ITGA8: variants seen among roughly 807,000 people sequenced by gnomAD.
ITGA8 encodes the protein integrin subunit alpha 8, also known as integrin alpha-8.
A neutral mutation model predicts 142.3 loss-of-function variants in ITGA8; 91 were observed. The observed-to-expected ratio is 0.64, with a 90% confidence interval of 0.54 to 0.76. ITGA8 has a LOEUF of 0.76. Among genes scored for constraint, ITGA8 ranks in the 30% least tolerant of loss-of-function variants. The probability of loss-of-function intolerance (pLI) is 0.00; values close to 1 mark genes in which losing one functional copy is unlikely to be tolerated. For missense variants in ITGA8, 1,406 were observed against 1,327.7 expected (o/e 1.06, Z -0.92); for synonymous variants, 505 against 485.2 (o/e 1.04, Z -0.54).
chr10:15,613,765 G>A lies in ITGA8; in HGVS notation c.1448C>T (p.Ala483Val). Reference protein sequence around the residue: ...FGTGKVAVYRARPVVTVDAQL... With the variant: ...FGTGKVAVYRVRPVVTVDAQL... ...GGCATCTACAGTCACAACCGGTCTTGCTCTGCGGGGAGAAAATGCAGGGTT... is the reference window on the plus strand; with the variant it reads ...GGCATCTACAGTCACAACCGGTCTTACTCTGCGGGGAGAAAATGCAGGGTT... The change falls in exon 15 of 30, where the codon GCA becomes GTA. Residue 483 changes from alanine (A) to valine (V), a missense_variant and splice_region_variant. Physicochemically the swap from Ala to Val is moderately conservative, Grantham distance 64. Transcript: ENST00000378076. 1 of 1,608,678 alleles carries A rather than the reference G, an allele frequency of 6.2e-7. No homozygotes were observed. Among genetic ancestry groups the A allele is most frequent in the Non-Finnish European group, 8.5e-7 (1 of 1,175,114 alleles).
rs1220237070 is a variant in ITGA8, at chr10:15,531,054, A to G, written c.2978T>C (p.Ile993Thr). The G allele has an allele frequency of 2.0e-6, 3 of 1,474,220 alleles. No homozygotes were observed. The highest frequency in any genetic ancestry group is 2.8e-6 in the Non-Finnish European group (3 of 1,073,544). The allele number at this position is 1,474,220 out of a possible 1,614,324, so 91.3% of individuals were successfully genotyped here. Residue 993 changes from isoleucine to threonine, a missense_variant, in exon 28 of 30, where the codon ATA (isoleucine) becomes ACA (threonine). Coordinates refer to ENST00000378076, the MANE Select transcript of ITGA8 (RefSeq NM_003638.3). ...TATATATTTAAAGATACTCACTACT[A>G]TGCTTCCTTCTGGGAGTTTTGCTGG... ...DQPAKLPEGS[I>T]VIKTSVIWAT...
chr10:15,667,655 T>G (rs1477648201), intron 8 of ITGA8, among the ~76,000 whole-genome samples: 1 of 151,916 alleles, frequency 6.6e-6, no homozygotes, highest in Non-Finnish European at 1.5e-5. Flanking sequence ...TGTGGGCATT[T>G]AGTGCTATAA....
intron 14 of ITGA8, 137 bp downstream of exon 14, chr10:15,616,377 A>G (rs1241069249): frequency 1.6e-5 from 11 of 708,886 alleles, no homozygotes; most frequent in Non-Finnish European, 2.4e-5. Flanking sequence ...TGAGAGCAAA[A>G]AATACCTCTA....
chr10:15,671,800 T>C (rs1161062121), intron 7 of ITGA8, among the ~76,000 whole-genome samples, 153 bp from the exon 8 acceptor site: 2 of 149,392 alleles, frequency 1.3e-5, no homozygotes, highest in Non-Finnish European at 3.0e-5. Flanking sequence ...AAGGGAAAAA[T>C]TAATCACACC....
In ITGA8 at chr10:15,517,026, G is replaced by A. The variant is rs990017900; in HGVS notation, c.*132C>T. On this transcript the variant is annotated 3_prime_UTR_variant, in exon 30 of 30. Transcript: ENST00000378076. ...CAAAGTGCGGTGTAGATGAGGTGAT[G>A]TTTCCAGGGTCCCCTCCATTTCCTG... The A allele has an allele frequency of 1.8e-5, 9 of 486,928 alleles. No individual in the cohort carries two copies. Among genetic ancestry groups the A allele is most frequent in the East Asian group, 3.6e-5 (1 of 27,504 alleles). The allele number at this position is 486,928 out of a possible 1,614,324, so 30.2% of individuals were successfully genotyped here.
chr10:15,660,030 A>G (rs1450144090), intron 9 of ITGA8, among the ~76,000 whole-genome samples: 2 of 152,238 alleles, frequency 1.3e-5, no homozygotes, highest in African/African-American at 4.8e-5. Context: ...GGAAACAAAT[A>G]ATAAATTTAA....
intron 27 of ITGA8, among the ~76,000 whole-genome samples, chr10:15,536,183 C>A (rs1406886656): frequency 6.6e-6 from 1 of 152,134 alleles, no homozygotes; most frequent in Non-Finnish European, 1.5e-5. Context: ...CCACCAATTC[C>A]GGGCACAGTA....
intron 27 of ITGA8, among the ~76,000 whole-genome samples, chr10:15,543,781 G>A (rs982222818): frequency 2.0e-5 from 3 of 152,186 alleles, no homozygotes; most frequent in Non-Finnish European, 4.4e-5. Flanking sequence ...CTCGTAATAT[G>A]ACCTTATTTG....
intron 13 of ITGA8, among the ~76,000 whole-genome samples, chr10:15,628,133 T>G (rs1426447231): frequency 6.6e-6 from 1 of 151,910 alleles, no homozygotes; most frequent in African/African-American, 2.4e-5. Context: ...TTCTCGGAAT[T>G]ACCCACTCCT....
At chr10:15,635,003 CTT>C (rs915334219) in intron 13 of ITGA8, among the ~76,000 whole-genome samples, 191 of 107,210 alleles carry the variant, frequency 1.8e-3, no homozygotes, top group African/African-American at 6.4e-3. Context: ...TTCTTTCTTT[CTT>C]TTTTTTTTTT....
At chr10:15,625,831 CT>C (rs1833572107) in intron 13 of ITGA8, among the ~76,000 whole-genome samples, 1 of 152,144 alleles carries the variant, frequency 6.6e-6, no homozygotes, top group Admixed American at 6.5e-5. Context: ...TAAGGTTTTC[CT>C]TTTAATGAAA....
intron 25 of ITGA8, among the ~76,000 whole-genome samples, chr10:15,559,222 C>T (rs995725697): frequency 5.3e-5 from 8 of 152,204 alleles, no homozygotes; most frequent in African/African-American, 1.7e-4. Flanking sequence ...TGGCCTTGGC[C>T]GGTTTCTCCA....
intron 13 of ITGA8, among the ~76,000 whole-genome samples, chr10:15,622,230 A>G (rs1833503339): frequency 6.6e-6 from 1 of 152,098 alleles, no homozygotes; most frequent in Non-Finnish European, 1.5e-5. Flanking sequence ...CTCTGTGGCC[A>G]CCCAAGCACC....
chr10:15,612,912 G>A (rs1039943258), intron 15 of ITGA8, among the ~76,000 whole-genome samples: 2 of 152,232 alleles, frequency 1.3e-5, no homozygotes, highest in African/African-American at 2.4e-5. Flanking sequence ...TGTAATCCCA[G>A]GACTTTGGGA....
intron 13 of ITGA8, among the ~76,000 whole-genome samples, chr10:15,636,229 C>T (rs960210962): frequency 1.3e-5 from 2 of 152,150 alleles, no homozygotes; most frequent in South Asian, 2.1e-4. Flanking sequence ...GAGGAGATCA[C>T]TGGATTTCAA....
At chr10:15,538,385 G>T (rs1268267899) in intron 27 of ITGA8, among the ~76,000 whole-genome samples, 1 of 151,966 alleles carries the variant, frequency 6.6e-6, no homozygotes, top group East Asian at 1.9e-4. Context: ...GATGGCGGGT[G>T]CCTGTAATCC....
intron 25 of ITGA8, among the ~76,000 whole-genome samples, chr10:15,558,748 A>C (rs780411939): frequency 1.3e-4 from 20 of 152,158 alleles, no homozygotes; most frequent in Non-Finnish European, 2.5e-4. Flanking sequence ...TGACTTTTCG[A>C]AAGTCTGCTA....
At chr10:15,697,302 A>G (rs1192676470) in intron 2 of ITGA8, among the ~76,000 whole-genome samples, 2 of 152,332 alleles carry the variant, frequency 1.3e-5, no homozygotes, top group South Asian at 2.1e-4. Context: ...ACTTTAATAC[A>G]TGAAACACAG....
chr10:15,558,392 C>T (rs1335344797), intron 25 of ITGA8, among the ~76,000 whole-genome samples, 190 bp from the exon 26 acceptor site: 2 of 152,188 alleles, frequency 1.3e-5, no homozygotes, highest in Non-Finnish European at 2.9e-5. Flanking sequence ...AGCTTTTCCA[C>T]TCTTCAATGA....
Sources: gnomAD v4.1 joint callset for allele counts (sites outside exome capture counted in the v4.1 genomes callset) on GRCh38, gnomAD v4.1.1 for gene constraint, MANE v1.5 for transcripts, NCBI Gene and HGNC (gene_info 2026-07-23, HGNC 2026-07-21) for gene names.